HMCN2: variants seen among roughly 807,000 people sequenced by gnomAD.
The protein encoded by HMCN2 is hemicentin-2.
A neutral mutation model predicts 377.5 loss-of-function variants in HMCN2; 325 were observed. The ratio of observed to expected loss-of-function variants is 0.86; its 90% CI spans 0.79 to 0.94. The LOEUF is 0.94. Ranked by LOEUF, HMCN2 falls within the 40% of genes least tolerant of loss-of-function variation. The pLI is 0.00. For synonymous variants in HMCN2, 2,007 were observed against 2,046.8 expected, an observed-to-expected ratio of 0.98 and a Z score of 0.53; for missense variants, 4,543 against 4,725.3, an observed-to-expected ratio of 0.96 and a Z score of 1.13.
In HMCN2 at chr9:130,318,060, G is replaced by A. The variant is rs991459647; in HGVS notation, c.2351-1435G>A. ...CAGGAACAGTGACCTTGTGTAGGGC[G>A]GGCCCAAGGAAAGGCTTTCTGGGAT... On this transcript the variant is annotated intron_variant, in intron 15 of 97. Transcript: ENST00000683500. 6.6e-5 allele frequency among the ~76,000 whole-genome samples: 10 copies of A among 152,216 alleles called. No individual in the cohort carries two copies. The East Asian group carries it at 1.2e-3, about 18-fold the overall frequency.
chr9:130,406,942 A>G (rs1452690298), intron 82 of HMCN2: 4 of 153,320 alleles, frequency 2.6e-5, no homozygotes, highest in African/African-American at 9.6e-5. Flanking sequence ...CCCCAAAGGA[A>G]AAGTTCATTA....
In HMCN2 at chr9:130,425,686, G is replaced by A. The variant is rs1478748609; in HGVS notation, c.13642-1G>A. On this transcript the variant is annotated splice_acceptor_variant, in intron 89 of 97. Transcript: ENST00000683500. LOFTEE classifies it high-confidence loss of function. ...CTCCTCCCCTCCTCTTCATCCTGCA[G>A]GACTTTGAGGAGCACTACGTGCAAA... 4 of 1,311,256 alleles carry A rather than the reference G, an allele frequency of 3.1e-6. No individual in the cohort carries two copies. In the Admixed American group the frequency reaches 9.5e-5, roughly 31 times the overall value. The allele number at this position is 1,311,256 out of a possible 1,614,324, so 81.2% of individuals were successfully genotyped here. A position where few individuals can be genotyped will look rare whatever the true frequency, so the allele number is the denominator to read the frequency against.
Position 130,353,125 on chromosome 9 carries a change from G to C in HMCN2, c.4784G>C (p.Ser1595Thr), listed in dbSNP as rs1839822247. The change falls in exon 31 of 98, where the codon AGC becomes ACC. Residue 1595 changes from serine (S) to threonine (T), a missense_variant. Ser to Thr is a moderately conservative substitution (Grantham distance 58). Coordinates refer to ENST00000683500, the MANE Select transcript of HMCN2 (RefSeq NM_001291815.2). ...GRQLQLGRAQ[S>T]SDAGVYTCKA... is the part of the protein sequence containing the mutation. ...CAGTTGCAGCTGGGGAGGGCCCAGAGCTCCGATGCCGGCGTCTACACCTGC... is the reference window on the plus strand; with the variant it reads ...CAGTTGCAGCTGGGGAGGGCCCAGACCTCCGATGCCGGCGTCTACACCTGC... 7.7e-7 allele frequency: 1 copy of C among 1,304,118 alleles called. No homozygotes were observed. The highest frequency in any genetic ancestry group is 1.2e-5 in the South Asian group (1 of 81,034). The allele number at this position is 1,304,118 out of a possible 1,614,324, so 80.8% of individuals were successfully genotyped here.
Position 130,429,579 on chromosome 9 carries a change from G to A in HMCN2, c.14220G>A (p.Gly4740=), listed in dbSNP as rs1307924595. 6.4e-7 allele frequency: 1 copy of A among 1,550,388 alleles called. No homozygotes were observed. The highest frequency in any genetic ancestry group is 8.7e-7 in the Non-Finnish European group (1 of 1,146,790). The change falls in exon 94 of 98, where the codon GGG becomes GGA. Residue 4740 remains glycine (G), a synonymous_variant. Transcript: ENST00000683500. ...CAGATGTGGACGAATGCCTGGAGGG[G>A]TTGGACGACTGTCACTACAACCAGC... The part of the protein sequence containing the change: ...GCEDVDECLE[G]LDDCHYNQLC...
At chr9:130,281,861 G>A (rs868974312) in intron 1 of HMCN2, among the ~76,000 whole-genome samples, 2 of 141,510 alleles carry the variant, frequency 1.4e-5, no homozygotes, top group East Asian at 4.2e-4. Flanking sequence ...CTGTGCTCCA[G>A]CCTGGGTGAC....
In HMCN2 at chr9:130,313,161, G is replaced by A. The variant is rs1005883552; in HGVS notation, c.2350+3100G>A. Among the ~76,000 whole-genome samples the A allele has an allele frequency of 4.0e-4, 58 of 146,184 alleles. No homozygotes were observed. The South Asian group carries it at 0.011, about 28-fold the overall frequency. ...GTCTGGGGTGAGCTGGTCTGGCAGC[G>A]GTGGTGGGAAATGGAATTTCCTGCC... is the stretch of plus-strand genomic sequence containing the variant. On this transcript the variant is annotated intron_variant, in intron 15 of 97. Transcript: ENST00000683500.
At position 130,394,042 on chromosome 9, in the gene HMCN2, G is replaced by C. The variant is rs1345218715; in HGVS notation, c.10501+34G>C. 27 of 1,206,266 alleles carry C rather than the reference G, an allele frequency of 2.2e-5. No homozygotes were observed. The highest frequency in any genetic ancestry group is 2.6e-5 in the Non-Finnish European group (25 of 951,134). The allele number at this position is 1,206,266 out of a possible 1,614,324, so 74.7% of individuals were successfully genotyped here. ...TCTGGCCTCTGGCCAGCTTCTCTGG[G>C]CTCGGGGGAGAGGGTGGGACTCTAG... On this transcript the variant is annotated intron_variant, in intron 68 of 97. Coordinates refer to ENST00000683500, the MANE Select transcript of HMCN2 (RefSeq NM_001291815.2). The surrounding 1 kb of genome is among the most constrained non-coding windows in gnomAD (Gnocchi z 5.1).
At chr9:130,387,679 G>A (rs7865806) in intron 61 of HMCN2, among the ~76,000 whole-genome samples, 1 of 152,108 alleles carries the variant, frequency 6.6e-6, no homozygotes. Flanking sequence ...AACGGGCTGA[G>A]GGGACACCAG....
Position 130,270,302 on chromosome 9 carries a change from TTTTTC to T in HMCN2, c.259+4166_259+4170del, listed in dbSNP as rs1410797910. On this transcript the variant is annotated intron_variant, in intron 1 of 97. Transcript: ENST00000683500. ...TTGTTTGTTTGTTTGTTTGTTTTTT[TTTTTC>T]CCTATCACAAAACCAGTTAGGCAGA... Among the ~76,000 whole-genome samples the T allele has an allele frequency of 3.1e-4, 36 of 117,856 alleles. No individual in the cohort carries two copies. In the East Asian group the frequency reaches 8.7e-3, roughly 28 times the overall value. The allele number at this position is 117,856 out of a possible 152,430, so 77.3% of individuals were successfully genotyped here.
At chr9:130,363,952 GAA>G (rs561624487) in intron 40 of HMCN2, among the ~76,000 whole-genome samples, 213 of 146,644 alleles carry the variant, frequency 1.5e-3, no homozygotes, top group African/African-American at 5.2e-3. Context: ...GAAAGAGAAA[GAA>G]AAAAAGAGAA....
At position 130,382,673 on chromosome 9, in the gene HMCN2, C is replaced by T. The variant is rs1841796202; in HGVS notation, c.8546-6C>T. On this transcript the variant is annotated splice_region_variant and splice_polypyrimidine_tract_variant and intron_variant, in intron 55 of 97. Coordinates refer to ENST00000683500, the MANE Select transcript of HMCN2 (RefSeq NM_001291815.2). ...AGCCCCTCAGCCCCCTCTCCCCCAC[C>T]CCCAGCCCCACCTGTGATCCTGGGT... The T allele has an allele frequency of 2.0e-6, 2 of 984,192 alleles. No individual in the cohort carries two copies. The highest frequency in any genetic ancestry group is 2.4e-6 in the Non-Finnish European group (2 of 828,728). The allele number at this position is 984,192 out of a possible 1,614,324, so 61.0% of individuals were successfully genotyped here.
intron 32 of HMCN2, among the ~76,000 whole-genome samples, 170 bp downstream of exon 32, chr9:130,355,214 C>T (rs1839962926): frequency 6.6e-6 from 1 of 152,096 alleles, no homozygotes. Flanking sequence ...GGCTGTGGGG[C>T]CGGCAGGGCT....
rs1043588593 is a variant in HMCN2 at position 130,384,457 on chromosome 9, C to A, written c.8915C>A (p.Ala2972Asp). Residue 2972 changes from alanine to aspartate, a missense_variant, in exon 58 of 98, where the codon GCT (alanine) becomes GAT (aspartate). Physicochemically the swap from Ala to Asp is moderately radical, Grantham distance 126. Transcript: ENST00000683500. ...GTCTCCCTCCCTTGCGACGTCCACG[C>A]TCACCCAAACCCCGAGGTCACGTGG... ...SSVSLPCDVH[A>D]HPNPEVTWYK... The A allele has an allele frequency of 7.7e-7, 1 of 1,304,240 alleles. No homozygotes were observed. Among genetic ancestry groups the A allele is most frequent in the Admixed American group, 2.3e-5 (1 of 43,574 alleles). The allele number at this position is 1,304,240 out of a possible 1,614,324, so 80.8% of individuals were successfully genotyped here.
At position 130,397,649 on chromosome 9, in the gene HMCN2, G is replaced by C; in HGVS notation, c.11320G>C (p.Val3774Leu). 1 of 1,289,790 alleles carries C rather than the reference G, an allele frequency of 7.8e-7. No individual in the cohort carries two copies. Among genetic ancestry groups the C allele is most frequent in the Non-Finnish European group, 1.0e-6 (1 of 988,876 alleles). 79.9% of individuals were successfully genotyped at this position (1,289,790 alleles called of 1,614,324 possible). Residue 3774 changes from valine to leucine, a missense_variant, in exon 74 of 98, where the codon GTC becomes CTC. Physicochemically the swap from Val to Leu is conservative, Grantham distance 32. Transcript: ENST00000683500. ...GSDRQGRDLRVLEPPAIAPSP... is the reference protein window; with the variant it reads ...GSDRQGRDLRLLEPPAIAPSP... ...CGATCGTCAAGGCCGTGACCTACGG[G>C]TCTTGGGTAGGTGGCCTGGGGAAGG...
rs917450148 is a variant in HMCN2 at position 130,397,530 on chromosome 9, T to C, written c.11201T>C (p.Phe3734Ser). ...AGGGCAACCCCCATCCATTCTAGGT[T>C]TGAAATTCTGCCTGAGGGTTCCCTG... ...RVPLDPRSPR[F>S]EILPEGSLRI... The change falls in exon 74 of 98, where the codon TTT (phenylalanine) becomes TCT (serine). Residue 3734 changes from phenylalanine to serine, a missense_variant and splice_region_variant. Around this residue, in one of 5 missense-constraint regions of HMCN2, gnomAD observed 1,073 missense variants for 1,319.5 expected, o/e 0.81. Transcript: ENST00000683500. The C allele has an allele frequency of 1.6e-5, 20 of 1,289,796 alleles. No homozygotes were observed. Among genetic ancestry groups the C allele is most frequent in the Non-Finnish European group, 1.1e-5 (11 of 988,864 alleles). The allele number at this position is 1,289,796 out of a possible 1,614,324, so 79.9% of individuals were successfully genotyped here.
chr9:130,389,137 C>T (rs1440849517), intron 62 of HMCN2, among the ~76,000 whole-genome samples: 6 of 152,176 alleles, frequency 3.9e-5, no homozygotes, highest in African/African-American at 7.2e-5. Context: ...CAGCAGGGGC[C>T]GGCACTGCCA....
chr9:130,359,243 A>C, intron 36 of HMCN2, 76 bp from the exon 37 acceptor site: 1 of 737,662 alleles, frequency 1.4e-6, no homozygotes. Context: ...AGGGAGCAGC[A>C]CTGCTGGGAT....
intron 19 of HMCN2, among the ~76,000 whole-genome samples, chr9:130,322,683 G>A (rs1019280061): frequency 7.4e-4 from 112 of 152,188 alleles, no homozygotes; most frequent in African/African-American, 2.6e-3. Context: ...TCTTTCCTTA[G>A]GATAAACCCA....
At chr9:130,345,044 T>C (rs1172071957) in intron 25 of HMCN2, among the ~76,000 whole-genome samples, 1 of 151,848 alleles carries the variant, frequency 6.6e-6, no homozygotes, top group East Asian at 1.9e-4. Flanking sequence ...GCATGGTGTT[T>C]GGTGTGTATG....
Sources: allele counts gnomAD v4.1 joint callset (sites outside exome capture counted in the v4.1 genomes callset), GRCh38; gene constraint gnomAD v4.1.1; regional missense constraint gnomAD v4.1.1; non-coding constraint Gnocchi (gnomAD v3.1); transcripts MANE v1.5; gene names NCBI Gene and HGNC (gene_info 2026-07-23, HGNC 2026-07-21).